Variants in PHF24 observed in about 807,000 individuals in gnomAD.
The protein encoded by PHF24 is Galpha inhibitory interacting protein.
In PHF24, 25 loss-of-function variants were observed where a neutral mutation model predicts 42.6. The ratio of observed to expected loss-of-function variants is 0.59; its 90% CI spans 0.43 to 0.82. The LOEUF (loss-of-function observed/expected upper bound fraction) is 0.82, where lower values mean the gene tolerates loss of function less well. Among genes scored for constraint, PHF24 ranks in the 40% least tolerant of loss-of-function variants. The pLI is 0.00. For missense variants in PHF24, 470 were observed against 538.1 expected (o/e 0.87, Z 1.25); for synonymous variants, 185 against 204.8 (o/e 0.90, Z 0.83).
the PHF24 span, chr9:34,922,652 A>G: frequency 4.4e-6 from 5 of 1,126,902 alleles, no homozygotes; most frequent in Admixed American, 5.1e-5. Context: ...GCTATCTCTT[A>G]GCTAGGTCTC....
the PHF24 span, among the ~76,000 whole-genome samples, chr9:34,870,302 G>A: frequency 1.1e-4 from 17 of 151,990 alleles, no homozygotes; most frequent in Non-Finnish European, 2.4e-4. Flanking sequence ...ATAATGGATA[G>A]TAATACTGCA....
the PHF24 span, among the ~76,000 whole-genome samples, chr9:34,877,176 G>C: frequency 1.3e-5 from 2 of 151,654 alleles, no homozygotes; most frequent in South Asian, 4.2e-4. Context: ...AGCTACTCGG[G>C]AGGCTGAGGC....
chr9:34,785,202 T>C, the PHF24 span, among the ~76,000 whole-genome samples: 1 of 152,196 alleles, frequency 6.6e-6, no homozygotes, highest in African/African-American at 2.4e-5. Context: ...GATGGCATCT[T>C]GCTGTGTGCT....
At chr9:34,680,713 A>T in the PHF24 span, among the ~76,000 whole-genome samples, 12 of 92,706 alleles carry the variant, frequency 1.3e-4, no homozygotes, top group Non-Finnish European at 2.0e-4. Flanking sequence ...TAAATAAAAA[A>T]AAAAATAAAA....
the PHF24 span, among the ~76,000 whole-genome samples, chr9:34,782,832 G>A: frequency 6.6e-6 from 1 of 152,250 alleles, no homozygotes; most frequent in South Asian, 2.1e-4. Context: ...GGTAGGATGA[G>A]GGATGGATCC....
the PHF24 span, among the ~76,000 whole-genome samples, chr9:34,852,054 C>A: frequency 2.0e-5 from 3 of 152,088 alleles, no homozygotes; most frequent in Non-Finnish European, 2.9e-5. Flanking sequence ...GACAGCAAGA[C>A]CAACCCCTCT....
the PHF24 span, among the ~76,000 whole-genome samples, chr9:34,744,937 G>A: frequency 6.6e-6 from 1 of 152,166 alleles, no homozygotes; most frequent in African/African-American, 2.4e-5. Context: ...CCAGACAGGT[G>A]TTGAACAGGA....
chr9:34,922,415 A>C, the PHF24 span: 1 of 1,361,538 alleles, frequency 7.3e-7, no homozygotes, highest in Non-Finnish European at 1.0e-6. Flanking sequence ...TAAGGGCCAG[A>C]CCCAGTCTGA....
the PHF24 span, among the ~76,000 whole-genome samples, chr9:34,735,579 T>C: frequency 6.6e-6 from 1 of 151,246 alleles, no homozygotes; most frequent in Non-Finnish European, 1.5e-5. Flanking sequence ...GGCTGGTGGA[T>C]CATGAGGTCA....
intron 3 of PHF24, among the ~76,000 whole-genome samples, chr9:34,975,457 C>G (rs1222002784): frequency 6.6e-6 from 1 of 152,120 alleles, no homozygotes; most frequent in Non-Finnish European, 1.5e-5. Context: ...TGCTCTTGTA[C>G]TTTGCGGGTA....
the PHF24 span, among the ~76,000 whole-genome samples, chr9:34,696,285 T>G: frequency 1.3e-5 from 2 of 151,940 alleles, no homozygotes; most frequent in African/African-American, 4.8e-5. Context: ...GTCAGGAGTT[T>G]GAGACCAGCT....
chr9:34,753,347 T>C, the PHF24 span, among the ~76,000 whole-genome samples: 1 of 152,060 alleles, frequency 6.6e-6, no homozygotes, highest in Non-Finnish European at 1.5e-5. Context: ...AGCAATTCTA[T>C]ATGTAATAAC....
chr9:34,760,762 TG>T, the PHF24 span, among the ~76,000 whole-genome samples: 1 of 151,980 alleles, frequency 6.6e-6, no homozygotes, highest in African/African-American at 2.4e-5. Context: ...GAGGCCGAGG[TG>T]GGAGACTTGA....
At chr9:34,673,471 T>A in the PHF24 span, among the ~76,000 whole-genome samples, 3 of 151,618 alleles carry the variant, frequency 2.0e-5, no homozygotes, top group Non-Finnish European at 4.4e-5. Flanking sequence ...TTTGTTGTTG[T>A]TGTTTGTTTG....
chr9:34,832,935 G>A, the PHF24 span: 1 of 1,551,720 alleles, frequency 6.4e-7, no homozygotes, highest in Non-Finnish European at 8.7e-7. Context: ...GGAGGTAGCT[G>A]TGGGAGCTTA....
the PHF24 span, among the ~76,000 whole-genome samples, chr9:34,878,477 G>A: frequency 3.4e-3 from 514 of 152,298 alleles, 1 homozygote; most frequent in South Asian, 0.018. Flanking sequence ...AAGGGAAGCC[G>A]TGACAGACAG....
At chr9:34,714,476 TG>T in the PHF24 span, among the ~76,000 whole-genome samples, 26 of 152,334 alleles carry the variant, frequency 1.7e-4, no homozygotes, top group South Asian at 5.4e-3. Context: ...ATCACCTGGG[TG>T]ACTTTTTAAA....
chr9:34,895,444 C>G, the PHF24 span: 2 of 397,134 alleles, frequency 5.0e-6, no homozygotes. Context: ...AATAATCACC[C>G]AAATTGGGAG....
chr9:34,768,582 G>A, the PHF24 span, among the ~76,000 whole-genome samples: 1 of 152,172 alleles, frequency 6.6e-6, no homozygotes, highest in East Asian at 1.9e-4. Context: ...TAAATGGGAT[G>A]TTGTAAATTA....
Sources: allele counts gnomAD v4.1 joint callset (sites outside exome capture counted in the v4.1 genomes callset), GRCh38; gene constraint gnomAD v4.1.1; transcripts MANE v1.5; gene names NCBI Gene and HGNC (gene_info 2026-07-23, HGNC 2026-07-21).